The following PPP6C variants were observed in gnomAD, a reference collection of about 807,000 sequenced individuals.
The protein encoded by PPP6C is protein phosphatase 6 catalytic subunit, also known as serine/threonine-protein phosphatase 6 catalytic subunit.
Under a neutral mutation model 39.8 loss-of-function variants are expected in PPP6C, and 11 were observed. The observed-to-expected ratio is 0.28, with a 90% confidence interval of 0.17 to 0.46. The LOEUF is 0.46. Ranked by LOEUF, PPP6C falls within the 20% of genes least tolerant of loss-of-function variation. PPP6C has a pLI of 1.00. For synonymous variants in PPP6C, 129 were observed against 130.3 expected (o/e 0.99, Z 0.07); for missense variants, 211 against 373.9 (o/e 0.56, Z 3.59).
At chr9:125,152,803 C>G (rs1323747361) in intron 6 of PPP6C, among the ~76,000 whole-genome samples, 1 of 150,964 alleles carries the variant, frequency 6.6e-6, no homozygotes, top group Non-Finnish European at 1.5e-5. Flanking sequence ...GTACTCCAGC[C>G]TGGGCAACAT....
intron 3 of PPP6C, among the ~76,000 whole-genome samples, chr9:125,159,734 C>T (rs777139487): frequency 2.0e-5 from 3 of 152,204 alleles, no homozygotes; most frequent in Non-Finnish European, 2.9e-5. Flanking sequence ...GGAAAGTGGC[C>T]GGCGTGGTGG....
At chr9:125,149,999 A>G in intron 6 of PPP6C, 78 bp from the exon 7 acceptor site, 1 of 1,489,132 alleles carries the variant, frequency 6.7e-7, no homozygotes, top group Non-Finnish European at 9.0e-7. Context: ...ATAAAATACC[A>G]AATCCTATTA....
At chr9:125,176,902 A>G (rs1037934177) in intron 1 of PPP6C, among the ~76,000 whole-genome samples, 3 of 152,204 alleles carry the variant, frequency 2.0e-5, no homozygotes, top group African/African-American at 7.2e-5. Context: ...AAGAGAAAGT[A>G]AAGAATCAAG....
chr9:125,149,954 C>G, intron 6 of PPP6C, 33 bp from the exon 7 acceptor site: 3 of 1,597,304 alleles, frequency 1.9e-6, no homozygotes, highest in Non-Finnish European at 2.6e-6. Context: ...AAGTACTTAG[C>G]ACTTAAAAAA....
chr9:125,149,964 A>G, intron 6 of PPP6C, 43 bp from the exon 7 acceptor site: 3 of 1,589,872 alleles, frequency 1.9e-6, no homozygotes, highest in East Asian at 4.5e-5. Flanking sequence ...CACTTAAAAA[A>G]CAATCGGCCT....
chr9:125,189,534 G>C (rs1169802321), intron 1 of PPP6C, 110 bp downstream of exon 1: 1 of 1,535,802 alleles, frequency 6.5e-7, no homozygotes, highest in African/African-American at 1.4e-5. Context: ...CAATGGGGGA[G>C]GCCCTCCACC....
At chr9:125,175,437 G>A (rs1829276017) in intron 1 of PPP6C, among the ~76,000 whole-genome samples, 1 of 151,794 alleles carries the variant, frequency 6.6e-6, no homozygotes, top group South Asian at 2.1e-4. Context: ...AGGAGATCGA[G>A]ACCATCCTGG....
At chr9:125,159,445 A>C (rs999499381) in intron 3 of PPP6C, among the ~76,000 whole-genome samples, 1 of 150,354 alleles carries the variant, frequency 6.7e-6, no homozygotes, top group Non-Finnish European at 1.5e-5. Context: ...GAGCTTAAAC[A>C]ATCATCCCAC....
At chr9:125,170,286 G>A (rs1564153502) in intron 2 of PPP6C, among the ~76,000 whole-genome samples, 1 of 151,564 alleles carries the variant, frequency 6.6e-6, no homozygotes, top group Non-Finnish European at 1.5e-5. Flanking sequence ...GCCCAGGCTG[G>A]AGTGCAGTGG....
chr9:125,167,397 A>AAAAAAAAAAAC (rs1564152126), intron 2 of PPP6C, among the ~76,000 whole-genome samples: 1 of 129,518 alleles, frequency 7.7e-6, no homozygotes, highest in African/African-American at 3.0e-5. Context: ...AAAAAAAAAA[A>AAAAAAAAAAAC]AAGAAATAAA....
chr9:125,189,354 TA>T (rs1829610907), intron 1 of PPP6C, among the ~76,000 whole-genome samples: 1 of 152,178 alleles, frequency 6.6e-6, no homozygotes, highest in Non-Finnish European at 1.5e-5. Context: ...GCCTTCTAAA[TA>T]AAGCTGTTAC....
At chr9:125,157,147 G>A (rs990362004) in intron 4 of PPP6C, among the ~76,000 whole-genome samples, 5 of 101,904 alleles carry the variant, frequency 4.9e-5, no homozygotes, top group African/African-American at 1.5e-4. Context: ...ACCAGTGCCC[G>A]GCTAATTTTT....
chr9:125,176,931 G>A (rs1253240265), intron 1 of PPP6C, among the ~76,000 whole-genome samples: 3 of 152,112 alleles, frequency 2.0e-5, no homozygotes, highest in Non-Finnish European at 4.4e-5. Flanking sequence ...GGGATTTCTG[G>A]CTTAAACAAT....
intron 1 of PPP6C, among the ~76,000 whole-genome samples, chr9:125,177,381 CA>C (rs34137261): frequency 6.7e-6 from 1 of 150,186 alleles, no homozygotes; most frequent in Non-Finnish European, 1.5e-5. Context: ...TCAAAACAAA[CA>C]AACAAAAAAA....
chr9:125,184,982 A>C (rs974131941), intron 1 of PPP6C, among the ~76,000 whole-genome samples: 1 of 151,646 alleles, frequency 6.6e-6, no homozygotes, highest in Non-Finnish European at 1.5e-5. Context: ...AAAAAAAAAA[A>C]AAAAAACCTC....
At chr9:125,184,966 CAA>C (rs34609209) in intron 1 of PPP6C, among the ~76,000 whole-genome samples, 94 of 70,016 alleles carry the variant, frequency 1.3e-3, no homozygotes, top group African/African-American at 2.0e-3. Flanking sequence ...GATTCAGTCT[CAA>C]AAAAAAAAAA....
chr9:125,183,390 A>G (rs1433456663), intron 1 of PPP6C, among the ~76,000 whole-genome samples: 1 of 152,170 alleles, frequency 6.6e-6, no homozygotes, highest in Non-Finnish European at 1.5e-5. Context: ...TACCATTTTC[A>G]TTATTTTGTC....
intron 1 of PPP6C, among the ~76,000 whole-genome samples, chr9:125,173,734 C>T (rs1266900036): frequency 1.3e-5 from 2 of 152,058 alleles, no homozygotes; most frequent in African/African-American, 4.8e-5. Context: ...TCTCCTGCCT[C>T]AGCCTCCCGA....
chr9:125,167,859 T>G (rs1829060923), intron 2 of PPP6C, among the ~76,000 whole-genome samples: 1 of 125,708 alleles, frequency 8.0e-6, no homozygotes. Flanking sequence ...ATCATTTGGT[T>G]GCCCAGGCTG....
Sources: allele counts gnomAD v4.1 joint callset (sites outside exome capture counted in the v4.1 genomes callset), GRCh38; gene constraint gnomAD v4.1.1; transcripts MANE v1.5; gene names NCBI Gene and HGNC (gene_info 2026-07-23, HGNC 2026-07-21).